GRB10: variants seen among roughly 807,000 people sequenced by gnomAD.
GRB10 encodes growth factor receptor-bound protein 10.
A neutral mutation model predicts 80.9 loss-of-function variants in GRB10; 20 were observed. The ratio of observed to expected loss-of-function variants is 0.25; its 90% CI spans 0.17 to 0.36. GRB10 has a LOEUF of 0.36. Ranked by LOEUF, GRB10 falls within the 10% of genes least tolerant of loss-of-function variation. GRB10 has a pLI of 1.00. For synonymous variants in GRB10, 291 were observed against 291.5 expected (o/e 1.00, Z 0.02); for missense variants, 548 against 747.7 (o/e 0.73, Z 3.12).
At chr7:50,725,119 C>T (rs979761594) in intron 4 of GRB10, among the ~76,000 whole-genome samples, 8 of 152,146 alleles carry the variant, frequency 5.3e-5, no homozygotes, top group South Asian at 2.1e-4. Context: ...TTTGTATCCC[C>T]GCCCAAAATC....
chr7:50,739,313 C>A (rs1018928665), intron 3 of GRB10, among the ~76,000 whole-genome samples: 1 of 152,234 alleles, frequency 6.6e-6, no homozygotes, highest in African/African-American at 2.4e-5. Context: ...AACTGAAACT[C>A]TAGAGTCTAG....
intron 6 of GRB10, among the ~76,000 whole-genome samples, chr7:50,671,660 T>C (rs2060365496): frequency 6.6e-6 from 1 of 152,358 alleles, no homozygotes; most frequent in Admixed American, 6.5e-5. Flanking sequence ...GCCATTGTCA[T>C]ACAGGAGGAG....
chr7:50,733,618 C>T lies in GRB10; in HGVS notation c.-46-1250G>A, dbSNP rs148374698. Among the ~76,000 whole-genome samples the T allele has an allele frequency of 2.5e-3, 382 of 152,322 alleles. 2 individuals carry two copies. Among genetic ancestry groups the T allele is most frequent in the Non-Finnish European group, 4.7e-3 (317 of 68,038 alleles). ...GAGCAGGTCCATGACCTGGCTCAGA[C>T]GTCCCCAACCTACTCAGTGAGAACT... On this transcript the variant is annotated intron_variant, in intron 3 of 18. Transcript: ENST00000401949.
intron 7 of GRB10, among the ~76,000 whole-genome samples, chr7:50,666,153 C>T (rs1007105365): frequency 2.0e-5 from 3 of 152,208 alleles, no homozygotes; most frequent in Non-Finnish European, 4.4e-5. Flanking sequence ...TCTCTTTTGG[C>T]ACATGCCTGC....
chr7:50,634,506 A>C (rs2054577407), intron 7 of GRB10, among the ~76,000 whole-genome samples: 1 of 152,234 alleles, frequency 6.6e-6, no homozygotes, highest in Non-Finnish European at 1.5e-5. Context: ...AAACCAGCTA[A>C]CAACACTATG....
intron 5 of GRB10, among the ~76,000 whole-genome samples, chr7:50,701,923 T>C (rs2064289836): frequency 6.6e-6 from 1 of 152,274 alleles, no homozygotes; most frequent in Non-Finnish European, 1.5e-5. Flanking sequence ...TTTTTTTTGT[T>C]GCATATAGGC....
At chr7:50,722,475 T>C (rs1310320767) in intron 4 of GRB10, among the ~76,000 whole-genome samples, 1 of 152,112 alleles carries the variant, frequency 6.6e-6, no homozygotes, top group Admixed American at 6.5e-5. Context: ...TGTTCGAAGA[T>C]TTCAAAGCCA....
chr7:50,607,590 T>C (rs1172427221), intron 13 of GRB10, among the ~76,000 whole-genome samples: 14 of 152,230 alleles, frequency 9.2e-5, no homozygotes, highest in Admixed American at 9.2e-4. Flanking sequence ...GTTATTTCAT[T>C]TAATCCTCTC....
At chr7:50,635,374 G>A (rs1424092677) in intron 7 of GRB10, among the ~76,000 whole-genome samples, 1 of 151,924 alleles carries the variant, frequency 6.6e-6, no homozygotes, top group Non-Finnish European at 1.5e-5. Context: ...TACAGCAAAA[G>A]CAGTGCTAAG....
intron 7 of GRB10, among the ~76,000 whole-genome samples, chr7:50,651,666 A>T (rs1310452289): frequency 6.6e-6 from 1 of 152,178 alleles, no homozygotes; most frequent in Non-Finnish European, 1.5e-5. Flanking sequence ...TGCTCATCCA[A>T]ATAGTTTATA....
intron 3 of GRB10, among the ~76,000 whole-genome samples, chr7:50,744,188 C>T (rs12718869): frequency 0.33 from 50,133 of 151,964 alleles, 10,498 homozygotes; most frequent in Non-Finnish European, 0.48. Flanking sequence ...AGGACGCAGG[C>T]GCTGCAACAC....
chr7:50,665,415 C>T (rs2059695630), intron 7 of GRB10, among the ~76,000 whole-genome samples: 1 of 152,278 alleles, frequency 6.6e-6, no homozygotes, highest in African/African-American at 2.4e-5. Context: ...TCCAAAACAT[C>T]TCACACTATT....
chr7:50,777,163 G>A (rs1344551162), intron 2 of GRB10, among the ~76,000 whole-genome samples: 1 of 152,106 alleles, frequency 6.6e-6, no homozygotes, highest in African/African-American at 2.4e-5. Context: ...TCAGTGTCTG[G>A]TGAGGGCCTC....
At chr7:50,631,386 T>G (rs915431690) in intron 7 of GRB10, among the ~76,000 whole-genome samples, 1 of 152,122 alleles carries the variant, frequency 6.6e-6, no homozygotes, top group African/African-American at 2.4e-5. Flanking sequence ...GTACCCGAGA[T>G]CCACACCTAC....
rs181830506 is a variant in GRB10 at position 50,645,917 on chromosome 7, A to G, written c.505-18939T>C. ...AGCCAGTGGCCAGCCCCCAAGTCAT[A>G]TGCCTTCCCATCGTATTATAAGTGA... On this transcript the variant is annotated intron_variant, in intron 7 of 18. Coordinates refer to ENST00000401949, the MANE Select transcript of GRB10 (RefSeq NM_001350814.2). 1.2e-3 allele frequency among the ~76,000 whole-genome samples: 179 copies of G among 152,320 alleles called. 3 individuals carry two copies. The highest frequency in any genetic ancestry group is 1.2e-3 in the Admixed American group (19 of 15,302).
At chr7:50,673,107 G>C (rs1466038940) in intron 6 of GRB10, among the ~76,000 whole-genome samples, 1 of 152,156 alleles carries the variant, frequency 6.6e-6, no homozygotes, top group Admixed American at 6.5e-5. Flanking sequence ...AGACCACAAA[G>C]AAAACTCTCA....
At chr7:50,654,310 C>T (rs1344905261) in intron 7 of GRB10, among the ~76,000 whole-genome samples, 2 of 152,262 alleles carry the variant, frequency 1.3e-5, no homozygotes, top group Admixed American at 1.3e-4. Flanking sequence ...GCCTTGATCC[C>T]GAGTTGTGAA....
At chr7:50,774,002 T>A (rs1361124934) in intron 2 of GRB10, among the ~76,000 whole-genome samples, 2 of 152,152 alleles carry the variant, frequency 1.3e-5, no homozygotes, top group East Asian at 3.9e-4. Context: ...GGACTACACA[T>A]ACAAGGGAAT....
intron 3 of GRB10, among the ~76,000 whole-genome samples, chr7:50,738,417 A>C (rs1314133236): frequency 2.6e-5 from 4 of 152,224 alleles, no homozygotes; most frequent in Non-Finnish European, 5.9e-5. Flanking sequence ...ATTCATCAAC[A>C]GACAAACAAA....
Sources: gnomAD v4.1 joint callset for allele counts (sites outside exome capture counted in the v4.1 genomes callset) on GRCh38, gnomAD v4.1.1 for gene constraint, MANE v1.5 for transcripts, NCBI Gene and HGNC (gene_info 2026-07-23, HGNC 2026-07-21) for gene names.